DAG1: variants seen among roughly 807,000 people sequenced by gnomAD.
DAG1 encodes the protein dystroglycan 1 (dystrophin-associated glycoprotein 1).
A neutral mutation model predicts 46.1 loss-of-function variants in DAG1; 8 were observed. That is an observed-to-expected ratio of 0.17 (90% confidence interval 0.10 to 0.31). DAG1 has a LOEUF of 0.31. DAG1 is among the 10% of genes least tolerant of loss of function. The pLI is 1.00. For synonymous variants in DAG1, 495 were observed against 481.8 expected, an observed-to-expected ratio of 1.03 and a Z score of -0.36; for missense variants, 1,003 against 1,189.9, an observed-to-expected ratio of 0.84 and a Z score of 2.31.
intron 1 of DAG1, among the ~76,000 whole-genome samples, chr3:49,484,092 T>C (rs2049953589): frequency 6.6e-6 from 1 of 152,158 alleles, no homozygotes; most frequent in African/African-American, 2.4e-5. Flanking sequence ...AAGTCACAAA[T>C]AGATAACAGT....
intron 1 of DAG1, among the ~76,000 whole-genome samples, chr3:49,484,371 C>T (rs578238104): frequency 1.3e-5 from 2 of 152,056 alleles, no homozygotes; most frequent in South Asian, 2.1e-4. Flanking sequence ...TGTGGGGACC[C>T]CTGTCTCTTC....
At chr3:49,503,254 T>A (rs1171507171) in intron 1 of DAG1, among the ~76,000 whole-genome samples, 1 of 152,210 alleles carries the variant, frequency 6.6e-6, no homozygotes, top group Non-Finnish European at 1.5e-5. Flanking sequence ...TGGAACATTT[T>A]GGCCCATCTG....
chr3:49,528,410 G>A (rs535935093), intron 2 of DAG1, among the ~76,000 whole-genome samples: 289 of 146,618 alleles, frequency 2.0e-3, no homozygotes, highest in Non-Finnish European at 3.5e-3. Context: ...TCAGCCTCCC[G>A]ACTAGCTGGG....
At position 49,520,677 on chromosome 3, in the gene DAG1, G is replaced by A. The variant is rs78795275; in HGVS notation, c.285+9858G>A. Among the ~76,000 whole-genome samples, 22 of 152,270 alleles carry A rather than the reference G, an allele frequency of 1.4e-4. No homozygotes were observed. The East Asian group carries it at 2.3e-3, about 16-fold the overall frequency. ...ACCTTAAGGGCTGACATGTCCAGAG[G>A]TATTGATGGAAGGTGCCACCACCAA... On this transcript the variant is annotated intron_variant, in intron 2 of 2. Transcript: ENST00000308775.
chr3:49,522,411 C>T (rs1045922354), intron 2 of DAG1, among the ~76,000 whole-genome samples: 9 of 151,992 alleles, frequency 5.9e-5, no homozygotes, highest in Non-Finnish European at 1.2e-4. Context: ...GTGATCCACC[C>T]GCTTCGGCTC....
chr3:49,507,806 C>A (rs1195270823), intron 1 of DAG1, among the ~76,000 whole-genome samples: 3 of 151,660 alleles, frequency 2.0e-5, no homozygotes, highest in Admixed American at 6.6e-5. Flanking sequence ...CCTGGGACTT[C>A]TGTCTTAAAA....
At chr3:49,469,757 T>C (rs976816498), upstream of DAG1, among the ~76,000 whole-genome samples, 2 of 152,206 alleles carry the variant, frequency 1.3e-5, no homozygotes, top group Non-Finnish European at 2.9e-5. Flanking sequence ...AGAGAACGCT[T>C]CCTGATTGTT....
rs573000515 is a variant in DAG1, at chr3:49,474,800, T to C, written c.-117+4367T>C. On this transcript the variant is annotated intron_variant, in intron 1 of 2. Transcript: ENST00000308775. ...GCCTGGCCTTTTTTTTAAAATTAAT[T>C]AATTAATTAGTTTTTTTTTTTTTTT... is the stretch of plus-strand genomic sequence containing the variant. 1.5e-4 allele frequency among the ~76,000 whole-genome samples: 21 copies of C among 143,968 alleles called. 1 individual carries two copies. The South Asian group carries it at 4.7e-3, about 32-fold the overall frequency. 94.4% of individuals were successfully genotyped at this position (143,968 alleles called of 152,430 possible).
At chr3:49,487,843 C>T (rs1469284588) in intron 1 of DAG1, among the ~76,000 whole-genome samples, 2 of 151,804 alleles carry the variant, frequency 1.3e-5, no homozygotes, top group Admixed American at 6.6e-5. Context: ...GGGACTACAA[C>T]AGGCTCCCGC....
At chr3:49,490,923 T>C (rs2050165265) in intron 1 of DAG1, among the ~76,000 whole-genome samples, 1 of 148,618 alleles carries the variant, frequency 6.7e-6, no homozygotes, top group Admixed American at 6.8e-5. Flanking sequence ...TCTCACTCTG[T>C]TGTCTTGGTT....
At chr3:49,511,565 G>T (rs896551359) in intron 2 of DAG1, among the ~76,000 whole-genome samples, 1 of 152,222 alleles carries the variant, frequency 6.6e-6, no homozygotes, top group Non-Finnish European at 1.5e-5. Context: ...CCAAGCTGGA[G>T]TGCACTGGCA....
chr3:49,527,846 C>T (rs905241485), intron 2 of DAG1, among the ~76,000 whole-genome samples: 32 of 152,228 alleles, frequency 2.1e-4, no homozygotes, highest in Non-Finnish European at 4.3e-4. Context: ...TCTAGTCCCT[C>T]TCAACCTTGT....
At chr3:49,478,447 A>AAT (rs1553642821) in intron 1 of DAG1, among the ~76,000 whole-genome samples, 2 of 149,748 alleles carry the variant, frequency 1.3e-5, no homozygotes, top group African/African-American at 4.9e-5. Context: ...ATAAAAAAAA[A>AAT]AAAAAAAATT....
chr3:49,473,250 C>A (rs2049578043), intron 1 of DAG1, among the ~76,000 whole-genome samples: 1 of 151,654 alleles, frequency 6.6e-6, no homozygotes, highest in African/African-American at 2.4e-5. Flanking sequence ...CCTGTCTCTA[C>A]TAAAAATACA....
At position 49,474,889 on chromosome 3, in the gene DAG1, G is replaced by A. The variant is rs1446110680; in HGVS notation, c.-117+4456G>A. Among the ~76,000 whole-genome samples the A allele has an allele frequency of 8.0e-5, 12 of 149,586 alleles. No homozygotes were observed. In the Admixed American group the frequency reaches 8.1e-4, roughly 10 times the overall value. On this transcript the variant is annotated intron_variant, in intron 1 of 2. Transcript: ENST00000308775. ...TGCAGTGGCATGATCTCGCCTCACTGCAAGCTCCGCCTCCCAGGTTCATGC... is the reference window on the plus strand; with the variant it reads ...TGCAGTGGCATGATCTCGCCTCACTACAAGCTCCGCCTCCCAGGTTCATGC...
At position 49,532,713 on chromosome 3, in the gene DAG1, A is replaced by G; in HGVS notation, c.2202A>G (p.Thr734=). 6.2e-7 allele frequency: 1 copy of G among 1,614,192 alleles called. No individual in the cohort carries two copies. The highest frequency in any genetic ancestry group is 8.5e-7 in the Non-Finnish European group (1 of 1,180,042). Residue 734 remains threonine, a synonymous_variant, in exon 3 of 3, where the codon ACA becomes ACG. Transcript: ENST00000308775. This position sits in a 1 kb window ranked among gnomAD's most constrained non-coding sequence, Gnocchi z 5.4. ...GAGTGCCCTCAGAGGCGCCGCCCACAGAAGTGCCTGACAGGGACCCTGAGA... is the reference window on the plus strand; with the variant it reads ...GAGTGCCCTCAGAGGCGCCGCCCACGGAAGTGCCTGACAGGGACCCTGAGA... The part of the protein sequence containing the change: ...PRRVPSEAPP[T]EVPDRDPEKS...
intron 1 of DAG1, among the ~76,000 whole-genome samples, chr3:49,489,083 C>T (rs1009735341): frequency 3.3e-5 from 5 of 151,504 alleles, no homozygotes; most frequent in African/African-American, 1.2e-4. Context: ...TTTATTTTAC[C>T]TCCATGTGAA....
chr3:49,498,696 T>TTTATTA (rs138073019), intron 1 of DAG1, among the ~76,000 whole-genome samples: 6 of 149,460 alleles, frequency 4.0e-5, no homozygotes, highest in Non-Finnish European at 8.9e-5. Context: ...TCCCATTTTC[T>TTTATTA]TTATTATTAT....
At chr3:49,529,709 AC>A (rs2107903429) in intron 2 of DAG1, among the ~76,000 whole-genome samples, 1 of 152,338 alleles carries the variant, frequency 6.6e-6, no homozygotes, top group South Asian at 2.1e-4. Flanking sequence ...CTTCAGGCCA[AC>A]CAGAGAATGG....
Sources: gnomAD v4.1 joint callset for allele counts (sites outside exome capture counted in the v4.1 genomes callset) on GRCh38, gnomAD v4.1.1 for gene constraint, Gnocchi (gnomAD v3.1) non-coding constraint, MANE v1.5 for transcripts, NCBI Gene and HGNC (gene_info 2026-07-23, HGNC 2026-07-21) for gene names.